Variants in CDH20 observed in about 807,000 individuals in gnomAD.
The protein encoded by CDH20 is cadherin 20.
A neutral mutation model predicts 74.2 loss-of-function variants in CDH20; 29 were observed. The observed-to-expected ratio is 0.39, with a 90% CI of 0.29 to 0.53. The LOEUF (loss-of-function observed/expected upper bound fraction) is 0.53. Among genes scored for constraint, CDH20 ranks in the 20% least tolerant of loss-of-function variants. The probability of loss-of-function intolerance (pLI) is 0.69; values close to 1 mark genes in which losing one functional copy is unlikely to be tolerated. For missense variants in CDH20, 988 were observed against 1,048.3 expected (o/e 0.94, Z 0.79); for synonymous variants, 469 against 405.4 (o/e 1.16, Z -1.88).
chr18:61,355,609 C>CA (rs1290176920), intron 1 of CDH20, among the ~76,000 whole-genome samples: 1 of 152,040 alleles, frequency 6.6e-6, no homozygotes, highest in African/African-American at 2.4e-5. Context: ...GCTAGTGGAC[C>CA]AAAAAAGTCC....
At chr18:61,358,072 C>G (rs1202710684) in intron 1 of CDH20, among the ~76,000 whole-genome samples, 1 of 151,972 alleles carries the variant, frequency 6.6e-6, no homozygotes, top group African/African-American at 2.4e-5. Context: ...ATAGTCTCAT[C>G]CCACCTCCAA....
chr18:61,511,311 C>T (rs537897269), intron 6 of CDH20, among the ~76,000 whole-genome samples: 49 of 151,668 alleles, frequency 3.2e-4, no homozygotes, highest in Non-Finnish European at 6.3e-4. Flanking sequence ...CTGCAGTGAG[C>T]CATGATCATG....
intron 1 of CDH20, among the ~76,000 whole-genome samples, chr18:61,338,885 C>T (rs905380506): frequency 6.6e-6 from 1 of 152,150 alleles, no homozygotes; most frequent in Non-Finnish European, 1.5e-5. Context: ...AGTTCTACAA[C>T]TCCTGACTAG....
chr18:61,359,996 C>A (rs755340544), intron 1 of CDH20, among the ~76,000 whole-genome samples: 1 of 152,050 alleles, frequency 6.6e-6, no homozygotes, highest in East Asian at 1.9e-4. Flanking sequence ...GAAAAGTTGC[C>A]GTCAAATTTA....
At chr18:61,382,733 T>C (rs1911473172) in intron 1 of CDH20, among the ~76,000 whole-genome samples, 1 of 152,200 alleles carries the variant, frequency 6.6e-6, no homozygotes, top group Non-Finnish European at 1.5e-5. Context: ...GGCAGCAAAT[T>C]GAAAAGCAGG....
At chr18:61,382,013 C>T (rs556994538) in intron 1 of CDH20, among the ~76,000 whole-genome samples, 10 of 152,238 alleles carry the variant, frequency 6.6e-5, no homozygotes, top group African/African-American at 1.4e-4. Context: ...ATATCCAAAA[C>T]GTCTCTTGGC....
chr18:61,528,446 GACACACAC>G (rs1555683467), intron 7 of CDH20, among the ~76,000 whole-genome samples: 5 of 97,714 alleles, frequency 5.1e-5, no homozygotes, highest in African/African-American at 1.3e-4. Flanking sequence ...AATTGGTTGA[GACACACAC>G]ACACACACAC....
intron 1 of CDH20, among the ~76,000 whole-genome samples, chr18:61,453,390 G>A (rs9951192): frequency 0.044 from 6,650 of 152,024 alleles, 275 homozygotes; most frequent in East Asian, 0.18. Context: ...TGATTCCCCT[G>A]CCTCAGCCTC....
intron 1 of CDH20, among the ~76,000 whole-genome samples, chr18:61,425,809 C>A (rs1372701786): frequency 1.3e-5 from 2 of 152,044 alleles, no homozygotes; most frequent in Non-Finnish European, 2.9e-5. Context: ...AAGAACTTAT[C>A]CATGTAAACA....
intron 1 of CDH20, among the ~76,000 whole-genome samples, chr18:61,417,024 A>G (rs1912708599): frequency 6.6e-6 from 1 of 152,230 alleles, no homozygotes. Flanking sequence ...TTTGACCCCA[A>G]TCAAAAGCAC....
chr18:61,488,932 GAACAGCTAATATTTGGT>G (rs1479818731), intron 1 of CDH20, among the ~76,000 whole-genome samples: 1 of 152,194 alleles, frequency 6.6e-6, no homozygotes, highest in Non-Finnish European at 1.5e-5. Flanking sequence ...AAGAGAGAGA[GAACAGCTAATATTTGGT>G]AACCCACCTG....
intron 1 of CDH20, among the ~76,000 whole-genome samples, chr18:61,432,584 A>T (rs1599081536): frequency 6.6e-6 from 1 of 152,208 alleles, no homozygotes; most frequent in East Asian, 1.9e-4. Context: ...AAACGTATAG[A>T]GGTCCCTTTC....
intron 7 of CDH20, 139 bp downstream of exon 7, chr18:61,528,359 GT>G (rs569091403): frequency 0.086 from 48,574 of 567,292 alleles, 1 homozygote; most frequent in East Asian, 0.12. Context: ...TTTTTGTGTT[GT>G]TTTTTTTTTT....
chr18:61,336,806 G>C (rs1909775505), intron 1 of CDH20, among the ~76,000 whole-genome samples: 1 of 78,272 alleles, frequency 1.3e-5, no homozygotes, highest in African/African-American at 4.4e-5. Context: ...ACATAAATCA[G>C]CCAGAATATA....
At chr18:61,551,499 T>C (rs1913431433) in intron 11 of CDH20, among the ~76,000 whole-genome samples, 1 of 152,222 alleles carries the variant, frequency 6.6e-6, no homozygotes, top group Admixed American at 6.5e-5. Flanking sequence ...CCGTGCAATG[T>C]GCTTCTCAAA....
intron 1 of CDH20, among the ~76,000 whole-genome samples, chr18:61,369,549 G>C (rs1201999174): frequency 6.6e-6 from 1 of 151,978 alleles, no homozygotes; most frequent in East Asian, 1.9e-4. Context: ...TTTGACCCAG[G>C]AGTCTTGTTA....
At chr18:61,514,209 T>A (rs1911894962) in intron 6 of CDH20, among the ~76,000 whole-genome samples, 2 of 151,532 alleles carry the variant, frequency 1.3e-5, no homozygotes, top group East Asian at 3.9e-4. Context: ...CTTTTTATTC[T>A]TTTTTCTCTA....
At chr18:61,354,573 C>T (rs1029386243) in intron 1 of CDH20, among the ~76,000 whole-genome samples, 2 of 152,020 alleles carry the variant, frequency 1.3e-5, no homozygotes, top group African/African-American at 4.8e-5. Flanking sequence ...AGCACCACTG[C>T]ACTCCAGACT....
chr18:61,504,956 G>T (rs1458981215), intron 5 of CDH20, among the ~76,000 whole-genome samples: 1 of 151,954 alleles, frequency 6.6e-6, no homozygotes, highest in Non-Finnish European at 1.5e-5. Context: ...TGGTCCAACA[G>T]TGCAGAATTC....
Sources: allele counts gnomAD v4.1 joint callset (sites outside exome capture counted in the v4.1 genomes callset), GRCh38; gene constraint gnomAD v4.1.1; transcripts MANE v1.5; gene names NCBI Gene and HGNC (gene_info 2026-07-23, HGNC 2026-07-21).